The following PAK2 variants were observed in gnomAD, a reference collection of about 807,000 sequenced individuals.
The protein encoded by PAK2 is p21 (RAC1) activated kinase 2, also known as serine/threonine-protein kinase PAK 2.
Under a neutral mutation model 65.9 loss-of-function variants are expected in PAK2, and 21 were observed. The observed-to-expected ratio is 0.32, with a 90% confidence interval of 0.23 to 0.46. The LOEUF is 0.46. Ranked by LOEUF, PAK2 falls within the 20% of genes least tolerant of loss-of-function variation. The pLI, the probability that PAK2 is intolerant of heterozygous loss-of-function variation, is 1.00. For missense variants in PAK2, 324 were observed against 642.6 expected (o/e 0.50, Z 5.36); for synonymous variants, 204 against 219.7 (o/e 0.93, Z 0.63).
chr3:196,767,259 G>A (rs78030636), intron 1 of PAK2, among the ~76,000 whole-genome samples: 3,365 of 152,046 alleles, frequency 0.022, 60 homozygotes, highest in Middle Eastern at 0.068. Context: ...TTGTATTTTT[G>A]TGAGTATATC....
intron 14 of PAK2, chr3:196,827,609 G>C (rs148499086): frequency 1.8e-5 from 3 of 164,104 alleles, no homozygotes; most frequent in Admixed American, 6.6e-5. Context: ...GTTGTGGGGT[G>C]GGGGGAGTGG....
chr3:196,749,225 C>G (rs1713489179), intron 1 of PAK2, among the ~76,000 whole-genome samples: 1 of 151,998 alleles, frequency 6.6e-6, no homozygotes, highest in South Asian at 2.1e-4. Flanking sequence ...ACAAATACCT[C>G]TTTGAGACCT....
chr3:196,783,602 C>T (rs991126412), intron 2 of PAK2, among the ~76,000 whole-genome samples: 1 of 149,260 alleles, frequency 6.7e-6, no homozygotes, highest in African/African-American at 2.5e-5. Flanking sequence ...AAAAAGTGTA[C>T]GTATATATAT....
intron 1 of PAK2, among the ~76,000 whole-genome samples, chr3:196,776,411 C>A (rs539318456): frequency 2.2e-4 from 34 of 152,296 alleles, no homozygotes; most frequent in Middle Eastern, 3.4e-3. Context: ...CTGTTTCATG[C>A]AACACCTTTT....
Position 196,803,040 on chromosome 3 carries a change from A to G in PAK2, c.312A>G (p.Arg104=). 1 of 1,607,336 alleles carries G rather than the reference A, an allele frequency of 6.2e-7. No individual in the cohort carries two copies. The highest frequency in any genetic ancestry group is 2.2e-5 in the East Asian group (1 of 44,450). Residue 104 remains arginine, a synonymous_variant, in exon 4 of 15, where the codon CGA becomes CGG. Coordinates refer to ENST00000327134, the MANE Select transcript of PAK2 (RefSeq NM_002577.4). The stretch of plus-strand genomic sequence containing the variant: ...AGGGCATGCCAGAACAGTGGGCTCG[A>G]TTACTACAGACCTCCAATATCACCA... ...EFTGMPEQWA[R]LLQTSNITKL...
chr3:196,751,674 CATAT>C (rs149522539), intron 1 of PAK2, among the ~76,000 whole-genome samples: 6 of 71,810 alleles, frequency 8.4e-5, no homozygotes, highest in South Asian at 4.1e-4. Context: ...TATTTATATA[CATAT>C]ATATATATAT....
intron 2 of PAK2, among the ~76,000 whole-genome samples, chr3:196,795,305 A>G (rs987928618): frequency 6.8e-6 from 1 of 147,598 alleles, no homozygotes; most frequent in Non-Finnish European, 1.5e-5. Flanking sequence ...AAAAAAAAAA[A>G]GAAAAAAAGA....
chr3:196,823,698 CT>C (rs1337776347), intron 13 of PAK2, among the ~76,000 whole-genome samples: 1 of 150,834 alleles, frequency 6.6e-6, no homozygotes, highest in Non-Finnish European at 1.5e-5. Flanking sequence ...CTCGTCTCTA[CT>C]AAAAATACAA....
At position 196,803,001 on chromosome 3, in the gene PAK2, A is replaced by AAT. The variant is rs759985265; in HGVS notation, c.289-13_289-12dup. Reference sequence around the variant, plus strand: ...CAATTTAAACCATAACTAATTTCTGAATATCTTCTTGTTAGGGCATGCCAG... The same window carrying AAT: ...CAATTTAAACCATAACTAATTTCTGAATATATCTTCTTGTTAGGGCATGCCAG... On this transcript the variant is annotated splice_polypyrimidine_tract_variant and intron_variant, in intron 3 of 14. Coordinates refer to ENST00000327134, the MANE Select transcript of PAK2 (RefSeq NM_002577.4). The AAT allele has an allele frequency of 6.6e-7, 1 of 1,522,334 alleles. No individual in the cohort carries two copies. Among genetic ancestry groups the AAT allele is most frequent in the African/African-American group, 1.4e-5 (1 of 70,374 alleles). 94.3% of individuals were successfully genotyped at this position (1,522,334 alleles called of 1,614,324 possible). A position where few individuals can be genotyped will look rare whatever the true frequency, so the allele number is the denominator to read the frequency against.
At chr3:196,811,508 A>C (rs1013993030) in intron 8 of PAK2, among the ~76,000 whole-genome samples, 4 of 147,178 alleles carry the variant, frequency 2.7e-5, no homozygotes, top group Non-Finnish European at 4.5e-5. Context: ...CAGCCTCCCA[A>C]AGTGTTGGGA....
At chr3:196,750,908 C>T (rs934639425) in intron 1 of PAK2, among the ~76,000 whole-genome samples, 1 of 151,922 alleles carries the variant, frequency 6.6e-6, no homozygotes, top group African/African-American at 2.4e-5. Context: ...CCATCTTAAA[C>T]GTTCTTAAGT....
In PAK2 at chr3:196,820,778, G is replaced by T. The variant is rs973136250; in HGVS notation, c.1350+211G>T. On this transcript the variant is annotated intron_variant, in intron 13 of 14. Coordinates refer to ENST00000327134, the MANE Select transcript of PAK2 (RefSeq NM_002577.4). The surrounding 1 kb of genome is among the most constrained non-coding windows in gnomAD (Gnocchi z 4.6). ...CTTTGTAGGTTTTTAGTAGTAAGCT[G>T]TATTGTTTTGTATTTTACGTAGGAA... 6.6e-6 allele frequency among the ~76,000 whole-genome samples: 1 copy of T among 152,166 alleles called. No homozygotes were observed. The highest frequency in any genetic ancestry group is 6.6e-5 in the Admixed American group (1 of 15,254).
intron 6 of PAK2, among the ~76,000 whole-genome samples, chr3:196,807,035 A>T (rs891803799): frequency 3.9e-5 from 6 of 152,132 alleles, no homozygotes; most frequent in Admixed American, 1.3e-4. Context: ...TCTTACCCAG[A>T]TTATGCATTT....
At chr3:196,743,361 A>G (rs1577690341) in intron 1 of PAK2, among the ~76,000 whole-genome samples, 1 of 152,184 alleles carries the variant, frequency 6.6e-6, no homozygotes, top group African/African-American at 2.4e-5. Context: ...TGGGCAAGAT[A>G]TACATTCTTT....
At chr3:196,744,303 C>G (rs1306142916) in intron 1 of PAK2, among the ~76,000 whole-genome samples, 3 of 152,188 alleles carry the variant, frequency 2.0e-5, no homozygotes, top group Admixed American at 6.5e-5. Flanking sequence ...TCTCAGCTGG[C>G]AGAACCATTG....
chr3:196,791,922 C>CAAA lies in PAK2; in HGVS notation c.187+9102_187+9104dup, dbSNP rs11401261. Reference sequence around the variant, plus strand: ...CCTGGGCGACAGAGCGAGACTCCGTCAAAAAAAAAAAAAAAGAAATAGAAT... The same window carrying CAAA: ...CCTGGGCGACAGAGCGAGACTCCGTCAAAAAAAAAAAAAAAAAAGAAATAGAAT... On this transcript the variant is annotated intron_variant, in intron 2 of 14. Transcript: ENST00000327134. This position sits in a 1 kb window ranked among gnomAD's most constrained non-coding sequence, Gnocchi z 4.0. Among the ~76,000 whole-genome samples, 4 of 138,470 alleles carry CAAA rather than the reference C, an allele frequency of 2.9e-5. No homozygotes were observed. Among genetic ancestry groups the CAAA allele is most frequent in the Non-Finnish European group, 6.3e-5 (4 of 63,826 alleles). The allele number at this position is 138,470 out of a possible 152,430, so 90.8% of individuals were successfully genotyped here.
intron 1 of PAK2, among the ~76,000 whole-genome samples, chr3:196,749,942 C>T (rs544481708): frequency 6.6e-6 from 1 of 151,944 alleles, no homozygotes; most frequent in Non-Finnish European, 1.5e-5. Context: ...TCACCTCAGC[C>T]TCCAGAGTAG....
chr3:196,816,560 T>G (rs1306571573), intron 11 of PAK2, among the ~76,000 whole-genome samples: 1 of 152,206 alleles, frequency 6.6e-6, no homozygotes, highest in Non-Finnish European at 1.5e-5. Flanking sequence ...GTGACGAGTT[T>G]GTTTCTATTT....
intron 1 of PAK2, among the ~76,000 whole-genome samples, chr3:196,749,515 A>G (rs998976891): frequency 6.6e-6 from 1 of 152,086 alleles, no homozygotes; most frequent in Non-Finnish European, 1.5e-5. Flanking sequence ...TTTTTCATGT[A>G]CTTATTGACC....
Sources: allele counts gnomAD v4.1 joint callset (sites outside exome capture counted in the v4.1 genomes callset), GRCh38; gene constraint gnomAD v4.1.1; non-coding constraint Gnocchi (gnomAD v3.1); transcripts MANE v1.5; gene names NCBI Gene and HGNC (gene_info 2026-07-23, HGNC 2026-07-21).